KIZ: variants seen among roughly 807,000 people sequenced by gnomAD.
KIZ encodes the protein centrosomal protein kizuna.
KIZ carries 68 observed loss-of-function variants against 79.6 expected under a neutral mutation model. The ratio of observed to expected loss-of-function variants is 0.85; its 90% CI spans 0.70 to 1.05. The LOEUF (loss-of-function observed/expected upper bound fraction) is 1.05, where lower values mean the gene tolerates loss of function less well. Ranked by LOEUF, KIZ falls within the 50% of genes least tolerant of loss-of-function variation. The pLI is 0.00. For synonymous variants in KIZ, 280 were observed against 281.8 expected, an observed-to-expected ratio of 0.99 and a Z score of 0.06; for missense variants, 797 against 800.4, an observed-to-expected ratio of 1.00 and a Z score of 0.05.
At chr20:21,204,847 AAAC>A (rs1333649060) in intron 6 of KIZ, among the ~76,000 whole-genome samples, 5 of 152,232 alleles carry the variant, frequency 3.3e-5, no homozygotes, top group Non-Finnish European at 5.9e-5. Flanking sequence ...GAGTGTAACA[AAAC>A]AACAACAACA....
chr20:21,230,259 G>T (rs940001791), intron 10 of KIZ, among the ~76,000 whole-genome samples: 2 of 152,216 alleles, frequency 1.3e-5, no homozygotes, highest in Non-Finnish European at 2.9e-5. Flanking sequence ...AGAGCTGCTT[G>T]AGGCCAGGAG....
chr20:21,164,043 G>GA (rs532920872), intron 6 of KIZ, among the ~76,000 whole-genome samples: 97 of 152,306 alleles, frequency 6.4e-4, no homozygotes, highest in Middle Eastern at 3.4e-3. Flanking sequence ...TGCTGGGGCA[G>GA]AACACCCCAC....
At chr20:21,153,134 G>A (rs1343311875) in intron 4 of KIZ, among the ~76,000 whole-genome samples, 1 of 152,098 alleles carries the variant, frequency 6.6e-6, no homozygotes, top group Non-Finnish European at 1.5e-5. Flanking sequence ...TAATAATAAT[G>A]ATTGTTTTCA....
intron 9 of KIZ, among the ~76,000 whole-genome samples, chr20:21,220,868 G>C (rs1269869454): frequency 6.6e-6 from 1 of 152,168 alleles, no homozygotes; most frequent in Non-Finnish European, 1.5e-5. Flanking sequence ...ACAGAAGATG[G>C]GCTTTGCAAG....
chr20:21,221,692 G>C (rs2036506883), intron 9 of KIZ, among the ~76,000 whole-genome samples: 1 of 152,180 alleles, frequency 6.6e-6, no homozygotes, highest in Non-Finnish European at 1.5e-5. Flanking sequence ...GGTCAGTATA[G>C]ATTTGGAGGG....
chr20:21,199,331 A>G (rs887061763), intron 6 of KIZ, among the ~76,000 whole-genome samples: 2 of 152,188 alleles, frequency 1.3e-5, no homozygotes, highest in African/African-American at 4.8e-5. Context: ...GACCACCACA[A>G]ATTTTAAAAT....
rs202163117 is a variant in KIZ at position 21,179,312 on chromosome 20, T to A, written c.1352+16153T>A. On this transcript the variant is annotated intron_variant, in intron 6 of 12. Coordinates refer to ENST00000619189, the MANE Select transcript of KIZ (RefSeq NM_018474.6). ...TTCTTTATTAATTAGTCTTGGTATG[T>A]GTATGTTTTTAGGAATTTATTTATT... Among the ~76,000 whole-genome samples, 22 of 151,552 alleles carry A rather than the reference T, an allele frequency of 1.5e-4. 2 individuals are homozygous for A. The East Asian group carries it at 4.3e-3, about 29-fold the overall frequency.
intron 4 of KIZ, among the ~76,000 whole-genome samples, chr20:21,150,558 C>T (rs900369403): frequency 3.3e-5 from 5 of 152,230 alleles, no homozygotes; most frequent in African/African-American, 1.2e-4. Context: ...AAAGTAGCCT[C>T]TCTGTGTTCA....
intron 6 of KIZ, among the ~76,000 whole-genome samples, chr20:21,169,690 T>A (rs1288749540): frequency 6.6e-6 from 1 of 152,230 alleles, no homozygotes; most frequent in East Asian, 1.9e-4. Flanking sequence ...AAAAAAATAG[T>A]TTCTCTACTT....
chr20:21,237,298 T>C (rs2123478455), intron 11 of KIZ, among the ~76,000 whole-genome samples: 1 of 132,874 alleles, frequency 7.5e-6, no homozygotes, highest in South Asian at 2.4e-4. Flanking sequence ...CAAAACTCCG[T>C]CTCAAAAAAA....
chr20:21,220,421 T>C (rs1226089015), intron 9 of KIZ, among the ~76,000 whole-genome samples: 2 of 152,116 alleles, frequency 1.3e-5, no homozygotes, highest in African/African-American at 4.8e-5. Flanking sequence ...ACTTTAGGAT[T>C]TGGGCTCTTG....
intron 6 of KIZ, among the ~76,000 whole-genome samples, chr20:21,186,737 C>A (rs2034889566): frequency 6.6e-6 from 1 of 151,802 alleles, no homozygotes; most frequent in Non-Finnish European, 1.5e-5. Context: ...GTAAAGAAAA[C>A]AAACTCAAAT....
chr20:21,191,203 A>C (rs1242412600), intron 6 of KIZ, among the ~76,000 whole-genome samples: 2 of 152,238 alleles, frequency 1.3e-5, no homozygotes, highest in African/African-American at 4.8e-5. Flanking sequence ...TCTCATGCAT[A>C]GTGTTAGCCA....
At chr20:21,146,802 T>G (rs1421372579) in intron 4 of KIZ, among the ~76,000 whole-genome samples, 1 of 152,138 alleles carries the variant, frequency 6.6e-6, no homozygotes, top group Non-Finnish European at 1.5e-5. Flanking sequence ...TAGGAAGTTT[T>G]CGTTTTCCTT....
chr20:21,170,307 C>T (rs745307032), intron 6 of KIZ, among the ~76,000 whole-genome samples: 5 of 151,966 alleles, frequency 3.3e-5, no homozygotes, highest in Non-Finnish European at 5.9e-5. Context: ...TCCAGTTATA[C>T]TCTTTTGGTT....
Position 21,162,389 on chromosome 20 carries a change from T to C in KIZ, c.924T>C (p.His308=). 5 of 1,613,504 alleles carry C rather than the reference T, an allele frequency of 3.1e-6. No individual in the cohort carries two copies. Among genetic ancestry groups the C allele is most frequent in the South Asian group, 2.2e-5 (2 of 91,058 alleles). ...GSEGEILTRE[H]IEVEEKRASP... Reference sequence around the variant, plus strand: ...AGGGAGAAATACTGACACGGGAACATATTGAAGTTGAGGAAAAAAGAGCCA... The same window carrying C: ...AGGGAGAAATACTGACACGGGAACACATTGAAGTTGAGGAAAAAAGAGCCA... Residue 308 remains histidine, a synonymous_variant, in exon 5 of 13, where the codon CAT becomes CAC. Transcript: ENST00000619189.
chr20:21,216,644 CAA>C (rs2036305263), intron 9 of KIZ, among the ~76,000 whole-genome samples: 1 of 152,168 alleles, frequency 6.6e-6, no homozygotes, highest in Non-Finnish European at 1.5e-5. Flanking sequence ...GCATTTTCTG[CAA>C]ACTCTGGTAT....
chr20:21,236,417 G>C (rs1249277068), intron 11 of KIZ, among the ~76,000 whole-genome samples: 1 of 152,118 alleles, frequency 6.6e-6, no homozygotes, highest in Non-Finnish European at 1.5e-5. Flanking sequence ...TTGTAATACT[G>C]ATTTCCACTA....
chr20:21,162,603 A>G, intron 5 of KIZ, 96 bp downstream of exon 5: 2 of 999,504 alleles, frequency 2.0e-6, no homozygotes, highest in Non-Finnish European at 2.9e-6. Context: ...TTCATAAAAT[A>G]GTATCTTTGC....
Sources: gnomAD v4.1 joint callset for allele counts (sites outside exome capture counted in the v4.1 genomes callset) on GRCh38, gnomAD v4.1.1 for gene constraint, MANE v1.5 for transcripts, NCBI Gene and HGNC (gene_info 2026-07-23, HGNC 2026-07-21) for gene names.